The following PCDH8 variants were observed in gnomAD, a reference collection of about 807,000 sequenced individuals.
PCDH8 encodes protocadherin-8.
PCDH8 carries 36 observed loss-of-function variants against 58.2 expected under a neutral mutation model. That is an observed-to-expected ratio of 0.62 (90% CI 0.47 to 0.82). The LOEUF (loss-of-function observed/expected upper bound fraction) is 0.82, where lower values mean the gene tolerates loss of function less well. Among genes scored for constraint, PCDH8 ranks in the 40% least tolerant of loss-of-function variants. PCDH8 has a pLI of 0.00. For synonymous variants in PCDH8, 775 were observed against 728.9 expected, an observed-to-expected ratio of 1.06 and a Z score of -1.02; for missense variants, 1,493 against 1,567.8, an observed-to-expected ratio of 0.95 and a Z score of 0.81.
In PCDH8 at chr13:52,846,085, C is replaced by A. The variant is rs1432654585; in HGVS notation, c.2352G>T (p.Gly784=). 8 of 1,571,316 alleles carry A rather than the reference C, an allele frequency of 5.1e-6. No individual in the cohort carries two copies. In the East Asian group the frequency reaches 1.7e-4, roughly 33 times the overall value. ...CGGGCCGCTCTTCCCGGAGGGCCCC[C>A]CCTTTGCGCACCTCCTTCTTGCGGC... ...CNRRKKEVRK[G]GALREERPGA... is the part of the protein sequence containing the mutation. The change falls in exon 1 of 3, where the codon GGG becomes GGT. Residue 784 remains glycine (G), a synonymous_variant. Coordinates refer to ENST00000377942, the MANE Select transcript of PCDH8 (RefSeq NM_002590.4).
chr13:52,846,950 A>G lies in PCDH8; in HGVS notation c.1487T>C (p.Leu496Pro), dbSNP rs1396531792. The G allele has an allele frequency of 6.3e-7, 1 of 1,596,516 alleles. No homozygotes were observed. Among genetic ancestry groups the G allele is most frequent in the African/African-American group, 1.3e-5 (1 of 74,572 alleles). Residue 496 changes from leucine (L) to proline (P), a missense_variant, in exon 1 of 3, where the codon CTC becomes CCC. By Grantham distance (98) the Leu-to-Pro change is moderately conservative. Transcript: ENST00000377942. ...CACCTCATAGACCGGCCGCGTGAAGAGCGGCGCGTTGTCGTTCTCGTCGCC... is the reference window on the plus strand; with the variant it reads ...CACCTCATAGACCGGCCGCGTGAAGGGCGGCGCGTTGTCGTTCTCGTCGCC... ...RVGDENDNAP[L>P]FTRPVYEVSV...
chr13:52,848,458 C>A lies in PCDH8; in HGVS notation c.-22G>T, dbSNP rs888877368. 9 of 1,567,560 alleles carry A rather than the reference C, an allele frequency of 5.7e-6. No individual in the cohort carries two copies. Among genetic ancestry groups the A allele is most frequent in the African/African-American group, 1.4e-5 (1 of 73,968 alleles). On this transcript the variant is annotated 5_prime_UTR_variant, in exon 1 of 3. Coordinates refer to ENST00000377942, the MANE Select transcript of PCDH8 (RefSeq NM_002590.4). ...TCATGCCTCCAGCCTCAAGTGCGAT[C>A]CGAAAGGCTAAGGAAGTCTTCTCTG...
In PCDH8 at chr13:52,842,942, C is replaced by A. The variant is rs571577033; in HGVS notation, c.*1618G>T. On this transcript the variant is annotated 3_prime_UTR_variant, in exon 3 of 3. Coordinates refer to ENST00000377942, the MANE Select transcript of PCDH8 (RefSeq NM_002590.4). ...TGAATAACCTAGGTTTGAATCTCAC[C>A]CTGGATACTTATTAGCTGTGTGATT... 1 of 151,434 alleles carries A rather than the reference C, an allele frequency of 6.6e-6. No homozygotes were observed. Among genetic ancestry groups the A allele is most frequent in the South Asian group, 2.1e-4 (1 of 4,778 alleles). The allele number at this position is 151,434 out of a possible 1,614,324, so 9.4% of individuals were successfully genotyped here. A position where few individuals can be genotyped will look rare whatever the true frequency, so the allele number is the denominator to read the frequency against.
chr13:52,846,458 T>C lies in PCDH8; in HGVS notation c.1979A>G (p.Glu660Gly). The change falls in exon 1 of 3, where the codon GAA becomes GGA. Residue 660 changes from glutamate (E) to glycine (G), a missense_variant. By Grantham distance (98) the Glu-to-Gly change is moderately conservative. Around this residue, in one of 3 missense-constraint regions of PCDH8, gnomAD observed 1,307 missense variants for 1,362.7 expected, o/e 0.96. Transcript: ENST00000377942. Reference sequence around the variant, plus strand: ...CGTGCGGCGGCCGATGGCGAAGGCTTCGCGCGGCTCCTGCTGCTGCAGCTC... The same window carrying C: ...CGTGCGGCGGCCGATGGCGAAGGCTCCGCGCGGCTCCTGCTGCTGCAGCTC... ...AFELQQQEPR[E>G]AFAIGRRTGE... is the part of the protein sequence containing the mutation. The C allele has an allele frequency of 6.3e-7, 1 of 1,599,018 alleles. No homozygotes were observed. The highest frequency in any genetic ancestry group is 8.5e-7 in the Non-Finnish European group (1 of 1,179,436).
In PCDH8 at chr13:52,846,525, C is replaced by CCTG. The variant is rs772511854; in HGVS notation, c.1909_1911dup (p.Gln637dup). ...TTGGCTCCCTCGTCTGCATCCCGGG[C>CCTG]CTGCACACGGGCCACAACCGTGTCC... On this transcript the variant is annotated inframe_insertion, in exon 1 of 3. Transcript: ENST00000377942. The CCTG allele has an allele frequency of 1.9e-6, 3 of 1,597,556 alleles. No homozygotes were observed. In the African/African-American group the frequency reaches 4.0e-5, roughly 21 times the overall value.
Position 52,847,370 on chromosome 13 carries a change from A to G in PCDH8, c.1067T>C (p.Ile356Thr). The G allele has an allele frequency of 2.0e-6, 3 of 1,513,840 alleles. No homozygotes were observed. The highest frequency in any genetic ancestry group is 2.6e-6 in the Non-Finnish European group (3 of 1,137,228). The allele number at this position is 1,513,840 out of a possible 1,614,324, so 93.8% of individuals were successfully genotyped here. A position where few individuals can be genotyped will look rare whatever the true frequency, so the allele number is the denominator to read the frequency against. Residue 356 changes from isoleucine (I) to threonine (T), a missense_variant, in exon 1 of 3, where the codon ATC (isoleucine) becomes ACC (threonine). Physicochemically the swap from Ile to Thr is moderately conservative, Grantham distance 89 (BLOSUM62 -1). Around this residue, in one of 3 missense-constraint regions of PCDH8, gnomAD observed 1,307 missense variants for 1,362.7 expected, o/e 0.96. Coordinates refer to ENST00000377942, the MANE Select transcript of PCDH8 (RefSeq NM_002590.4). ...CGCGCCTGGGGCGGCCAGCGGGGTG[A>G]TGGCGATGTCGGGTGCGTTGTCATT... ...DVNDNAPDIA[I>T]TPLAAPGAPA...
At chr13:52,845,064 C>T in intron 2 of PCDH8, 131 bp from the exon 3 acceptor site, 2 of 983,862 alleles carry the variant, frequency 2.0e-6, no homozygotes, top group East Asian at 2.6e-5. Flanking sequence ...AGATATACAC[C>T]GTGTCTCAAG....
In PCDH8 at chr13:52,848,330, G is replaced by A. The variant is rs760702035; in HGVS notation, c.107C>T (p.Thr36Ile). ...CGTGCCGGGGGCATCCTCCTCGAAGGTGCTGTATCGGACTGTTTTGCTCTG... is the reference window on the plus strand; with the variant it reads ...CGTGCCGGGGGCATCCTCCTCGAAGATGCTGTATCGGACTGTTTTGCTCTG... ...VAQSKTVRYS[T>I]FEEDAPGTVI... is the part of the protein sequence containing the mutation. The change falls in exon 1 of 3, where the codon ACC becomes ATC. Residue 36 changes from threonine (T) to isoleucine (I), a missense_variant. By Grantham distance (89) the Thr-to-Ile change is moderately conservative (BLOSUM62 -1). Coordinates refer to ENST00000377942, the MANE Select transcript of PCDH8 (RefSeq NM_002590.4). 2 of 1,613,328 alleles carry A rather than the reference G, an allele frequency of 1.2e-6. No homozygotes were observed. Among genetic ancestry groups the A allele is most frequent in the South Asian group, 1.1e-5 (1 of 91,082 alleles).
At position 52,848,100 on chromosome 13, in the gene PCDH8, G is replaced by T. The variant is rs759635111; in HGVS notation, c.337C>A (p.Gln113Lys). The change falls in exon 1 of 3, where the codon CAG (glutamine) becomes AAG (lysine). Residue 113 changes from glutamine (Q) to lysine (K), a missense_variant. Physicochemically the swap from Gln to Lys is moderately conservative, Grantham distance 53. Around this residue, in one of 3 missense-constraint regions of PCDH8, gnomAD observed 1,307 missense variants for 1,362.7 expected, o/e 0.96. Transcript: ENST00000377942. Reference sequence around the variant, plus strand: ...ACGTGCACCAGCCGGAACTGCTCCTGCGAGAAGCTGACCACATCGAAGGCC... The same window carrying T: ...ACGTGCACCAGCCGGAACTGCTCCTTCGAGAAGCTGACCACATCGAAGGCC... ...VLAFDVVSFS[Q>K]EQFRLVHVEV... 1.9e-6 allele frequency: 3 copies of T among 1,612,836 alleles called. No homozygotes were observed. Among genetic ancestry groups the T allele is most frequent in the East Asian group, 4.5e-5 (2 of 44,862 alleles).
chr13:52,847,894 A>G lies in PCDH8; in HGVS notation c.543T>C (p.Phe181=). 1 of 1,568,492 alleles carries G rather than the reference A, an allele frequency of 6.4e-7. No individual in the cohort carries two copies. ...TVRLAEPHSP[F]RVELQTRADG... ...CCGCTCGCGTCTGCAGCTCCACGCG[A>G]AAGGGGCTGTGCGGCTCGGCCAGGC... The change falls in exon 1 of 3, where the codon TTT becomes TTC. Residue 181 remains phenylalanine, a synonymous_variant. Coordinates refer to ENST00000377942, the MANE Select transcript of PCDH8 (RefSeq NM_002590.4).
rs1469753615 is a variant in PCDH8 at position 52,844,718 on chromosome 13, C to G, written c.3055G>C (p.Glu1019Gln). Residue 1019 changes from glutamate to glutamine, a missense_variant, in exon 3 of 3, where the codon GAG becomes CAG. Physicochemically the swap from Glu to Gln is conservative, Grantham distance 29 (BLOSUM62 2). Transcript: ENST00000377942. ...TCATAGTCTCTGTGCAGTACTTTCT[C>G]ATAGACGCTCTGCAGCCCCACTGTC... is the stretch of plus-strand genomic sequence containing the variant. Reference protein sequence around the residue: ...PKTVGLQSVYEKVLHRDYDRT... With the variant: ...PKTVGLQSVYQKVLHRDYDRT... 1 of 1,613,946 alleles carries G rather than the reference C, an allele frequency of 6.2e-7. No homozygotes were observed. Among genetic ancestry groups the G allele is most frequent in the Non-Finnish European group, 8.5e-7 (1 of 1,179,964 alleles).
At position 52,847,092 on chromosome 13, in the gene PCDH8, C is replaced by G; in HGVS notation, c.1345G>C (p.Val449Leu). The G allele has an allele frequency of 6.4e-7, 1 of 1,567,400 alleles. No individual in the cohort carries two copies. The highest frequency in any genetic ancestry group is 8.6e-7 in the Non-Finnish European group (1 of 1,162,390). The part of the protein sequence containing the change: ...LQPAYAGSYL[V>L]VTAASLDRER... ...CGGTCCAGCGACGCCGCGGTCACCA[C>G]CAGGTAGCTGCCCGCGTAGGCCGGC... Residue 449 changes from valine (V) to leucine (L), a missense_variant, in exon 1 of 3, where the codon GTG (valine) becomes CTG (leucine). This residue lies in a region of PCDH8 where 1,307 missense variants were observed against 1,362.7 expected (regional missense o/e 0.96). Transcript: ENST00000377942.
chr13:52,847,154 C>T lies in PCDH8; in HGVS notation c.1283G>A (p.Arg428His). Reference sequence around the variant, plus strand: ...GTGCTCGTGCCCATAGAGGGCGCAGCGCACTTGCCCGTTGGCGCCCGAGTC... The same window carrying T: ...GTGCTCGTGCCCATAGAGGGCGCAGTGCACTTGCCCGTTGGCGCCCGAGTC... Reference protein sequence around the residue: ...DRDSGANGQVRCALYGHEHFR... With the variant: ...DRDSGANGQVHCALYGHEHFR... The change falls in exon 1 of 3, where the codon CGC (arginine) becomes CAC (histidine). Residue 428 changes from arginine to histidine, a missense_variant. By Grantham distance (29) the Arg-to-His change is conservative. This residue lies in a region of PCDH8 where 1,307 missense variants were observed against 1,362.7 expected (regional missense o/e 0.96). Coordinates refer to ENST00000377942, the MANE Select transcript of PCDH8 (RefSeq NM_002590.4). The T allele has an allele frequency of 6.6e-7, 1 of 1,509,092 alleles. No individual in the cohort carries two copies. The highest frequency in any genetic ancestry group is 1.3e-5 in the South Asian group (1 of 78,802). The allele number at this position is 1,509,092 out of a possible 1,614,324, so 93.5% of individuals were successfully genotyped here. A position where few individuals can be genotyped will look rare whatever the true frequency, so the allele number is the denominator to read the frequency against.
Position 52,847,476 on chromosome 13 carries a change from C to A in PCDH8, c.961G>T (p.Glu321Ter). Reference sequence around the variant, plus strand: ...CGGTCCTGCGCCCGCACGTCCAGCTCGTAGGTGTCCTGACGCTCGTAGTCC... The same window carrying A: ...CGGTCCTGCGCCCGCACGTCCAGCTAGTAGGTGTCCTGACGCTCGTAGTCC... The part of the protein sequence containing the change: ...PVDYERQDTY[E>*]LDVRAQDRGP... The change falls in exon 1 of 3, where the codon GAG becomes TAG. Residue 321 changes from glutamate (E) to a stop codon, truncating the protein, a stop_gained. Coordinates refer to ENST00000377942, the MANE Select transcript of PCDH8 (RefSeq NM_002590.4). LOFTEE classifies it high-confidence loss of function. 6.3e-7 allele frequency: 1 copy of A among 1,592,200 alleles called. No homozygotes were observed.
Position 52,846,260 on chromosome 13 carries a change from C to G in PCDH8, c.2177G>C (p.Ser726Thr). 1 of 1,583,000 alleles carries G rather than the reference C, an allele frequency of 6.3e-7. No homozygotes were observed. The highest frequency in any genetic ancestry group is 8.5e-7 in the Non-Finnish European group (1 of 1,170,436). ...RGPAAPASAG[S>T]PERSRPPGSR... ...GCCAGGCGGGCGGGAACGCTCCGGG[C>G]TTCCTGCACTGGCAGGCGCAGCCGG... The change falls in exon 1 of 3, where the codon AGC becomes ACC. Residue 726 changes from serine to threonine, a missense_variant. By Grantham distance (58) the Ser-to-Thr change is moderately conservative. This residue lies in a region of PCDH8 where 1,307 missense variants were observed against 1,362.7 expected (regional missense o/e 0.96). Transcript: ENST00000377942.
chr13:52,845,038 G>T, intron 2 of PCDH8, 105 bp from the exon 3 acceptor site: 1 of 1,253,482 alleles, frequency 8.0e-7, no homozygotes, highest in Non-Finnish European at 1.1e-6. Context: ...CAGCTGAAAG[G>T]AAAGGCTGTG....
In PCDH8 at chr13:52,846,620, G is replaced by T. The variant is rs139773461; in HGVS notation, c.1817C>A (p.Ala606Glu). The T allele has an allele frequency of 2.1e-5, 33 of 1,604,932 alleles. No homozygotes were observed. Among genetic ancestry groups the T allele is most frequent in the African/African-American group, 2.0e-4 (15 of 74,832 alleles). Residue 606 changes from alanine (A) to glutamate (E), a missense_variant, in exon 1 of 3, where the codon GCG becomes GAG. Coordinates refer to ENST00000377942, the MANE Select transcript of PCDH8 (RefSeq NM_002590.4). ...TGGCGCCGGGTGCACCAGGACTGGCGCATGGTCGTTCTGGTCCAGCACGCG... is the reference window on the plus strand; with the variant it reads ...TGGCGCCGGGTGCACCAGGACTGGCTCATGGTCGTTCTGGTCCAGCACGCG... Reference protein sequence around the residue: ...QVRVLDQNDHAPVLVHPAPAN... With the variant: ...QVRVLDQNDHEPVLVHPAPAN...
In PCDH8 at chr13:52,846,942, G is replaced by A; in HGVS notation, c.1495C>T (p.Arg499Trp). 1.9e-6 allele frequency: 3 copies of A among 1,596,012 alleles called. No homozygotes were observed. Among genetic ancestry groups the A allele is most frequent in the South Asian group, 2.2e-5 (2 of 89,250 alleles). Residue 499 changes from arginine to tryptophan, a missense_variant, in exon 1 of 3, where the codon CGG becomes TGG. By Grantham distance (101) the Arg-to-Trp change is moderately radical (BLOSUM62 -3). Around this residue, in one of 3 missense-constraint regions of PCDH8, gnomAD observed 1,307 missense variants for 1,362.7 expected, o/e 0.96. Transcript: ENST00000377942. ...CGCACCGACACCTCATAGACCGGCC[G>A]CGTGAAGAGCGGCGCGTTGTCGTTC... The part of the protein sequence containing the change: ...DENDNAPLFT[R>W]PVYEVSVREN...
In PCDH8 at chr13:52,846,080, G is replaced by A. The variant is rs757040442; in HGVS notation, c.2357C>T (p.Ala786Val). 6.4e-7 allele frequency: 1 copy of A among 1,566,344 alleles called. No individual in the cohort carries two copies. The change falls in exon 1 of 3, where the codon GCC becomes GTC. Residue 786 changes from alanine to valine, a missense_variant. Physicochemically the swap from Ala to Val is moderately conservative, Grantham distance 64. This residue lies in a region of PCDH8 where 1,307 missense variants were observed against 1,362.7 expected (regional missense o/e 0.96). Coordinates refer to ENST00000377942, the MANE Select transcript of PCDH8 (RefSeq NM_002590.4). ...CGCCCCGGGCCGCTCTTCCCGGAGG[G>A]CCCCCCCTTTGCGCACCTCCTTCTT... is the stretch of plus-strand genomic sequence containing the variant. ...RRKKEVRKGG[A>V]LREERPGAAG...
Sources: gnomAD v4.1 joint callset for allele counts on GRCh38, gnomAD v4.1.1 for gene constraint, gnomAD v4.1.1 regional missense constraint, MANE v1.5 for transcripts, NCBI Gene and HGNC (gene_info 2026-07-23, HGNC 2026-07-21) for gene names.